IL17RB: variants seen among roughly 807,000 people sequenced by gnomAD.
IL17RB encodes interleukin-17 receptor B.
In IL17RB, 36 loss-of-function variants were observed where a neutral mutation model predicts 43.9. The observed-to-expected ratio is 0.82, with a 90% CI of 0.63 to 1.08. The LOEUF (loss-of-function observed/expected upper bound fraction) is 1.08. Among genes scored for constraint, IL17RB ranks in the 50% least tolerant of loss-of-function variants. IL17RB has a pLI of 0.00. For synonymous variants in IL17RB, 225 were observed against 225.4 expected, an observed-to-expected ratio of 1.00 and a Z score of 0.02; for missense variants, 613 against 613.6, an observed-to-expected ratio of 1.00 and a Z score of 0.01.
At position 53,849,278 on chromosome 3, in the gene IL17RB, C is replaced by G. The variant is rs1699045750; in HGVS notation, c.86-377C>G. Among the ~76,000 whole-genome samples the G allele has an allele frequency of 2.0e-5, 3 of 152,332 alleles. No homozygotes were observed. The South Asian group carries it at 6.2e-4, about 32-fold the overall frequency. On this transcript the variant is annotated intron_variant, in intron 2 of 10. Coordinates refer to ENST00000288167, the MANE Select transcript of IL17RB (RefSeq NM_018725.4). ...CAGGTACCTGGAGTGGTCCCACGTG[C>G]TCTGTAGGTGAAAGCCAGGAGGTTG...
intron 3 of IL17RB, among the ~76,000 whole-genome samples, chr3:53,850,499 C>CAA (rs57986255): frequency 1.1e-4 from 9 of 81,890 alleles, no homozygotes; most frequent in African/African-American, 1.4e-4. Flanking sequence ...AACTCCGTCT[C>CAA]AAAAAAAAAA....
chr3:53,858,766 A>T lies in IL17RB; in HGVS notation c.795A>T (p.Lys265Asn), dbSNP rs1699447201. The change falls in exon 9 of 11, where the codon AAA becomes AAT. Residue 265 changes from lysine to asparagine, a missense_variant. Lys to Asn is a moderately conservative substitution (Grantham distance 94, BLOSUM62 0). Coordinates refer to ENST00000288167, the MANE Select transcript of IL17RB (RefSeq NM_018725.4). Reference sequence around the variant, plus strand: ...GTGGCAGCGACTGCATCCGACATAAAGGAACAGTTGTGCTCTGCCCACAAA... The same window carrying T: ...GTGGCAGCGACTGCATCCGACATAATGGAACAGTTGTGCTCTGCCCACAAA... The part of the protein sequence containing the change: ...PTCGSDCIRH[K>N]GTVVLCPQTG... The T allele has an allele frequency of 1.9e-6, 3 of 1,614,090 alleles. No individual in the cohort carries two copies. In the African/African-American group the frequency reaches 4.0e-5, roughly 22 times the overall value.
chr3:53,861,182 G>A (rs1046866367), intron 10 of IL17RB: 7 of 151,968 alleles, frequency 4.6e-5, no homozygotes, highest in Non-Finnish European at 8.8e-5. Flanking sequence ...GGTATTTTTC[G>A]TGTTTAGTGC....
chr3:53,858,907 T>C lies in IL17RB; in HGVS notation c.847+89T>C, dbSNP rs577863969. The stretch of plus-strand genomic sequence containing the variant: ...TCAGTATGTGGAAGGGTTGTGTGTA[T>C]GTGGGCAGTGCAAGGGGTCGCTGCC... On this transcript the variant is annotated intron_variant, in intron 9 of 10. Coordinates refer to ENST00000288167, the MANE Select transcript of IL17RB (RefSeq NM_018725.4). 4.6e-5 allele frequency: 49 copies of C among 1,053,822 alleles called. 1 individual carries two copies. The South Asian group carries it at 6.2e-4, about 13-fold the overall frequency. 65.3% of individuals were successfully genotyped at this position (1,053,822 alleles called of 1,614,324 possible).
chr3:53,855,896 A>G (rs527380202), intron 6 of IL17RB, among the ~76,000 whole-genome samples: 1 of 152,290 alleles, frequency 6.6e-6, no homozygotes, highest in African/African-American at 2.4e-5. Flanking sequence ...AATCCCCTTT[A>G]GGATTATTAG....
chr3:53,864,632 C>A lies in IL17RB; in HGVS notation c.947-114C>A, dbSNP rs1006283644. Reference sequence around the variant, plus strand: ...TTTTCCTTGCTGTCACTAACAAGGCCCTTGGTGCTCAGCTGACATTCTCTA... The same window carrying A: ...TTTTCCTTGCTGTCACTAACAAGGCACTTGGTGCTCAGCTGACATTCTCTA... On this transcript the variant is annotated intron_variant, in intron 10 of 10. Transcript: ENST00000288167. 1.0e-5 allele frequency: 8 copies of A among 786,928 alleles called. No homozygotes were observed. The South Asian group carries it at 1.2e-4, about 12-fold the overall frequency. The allele number at this position is 786,928 out of a possible 1,614,324, so 48.7% of individuals were successfully genotyped here.
At position 53,860,217 on chromosome 3, in the gene IL17RB, T is replaced by G. The variant is rs759931515; in HGVS notation, c.935T>G (p.Met312Arg). The change falls in exon 10 of 11, where the codon ATG (methionine) becomes AGG (arginine). Residue 312 changes from methionine (M) to arginine (R), a missense_variant. Met to Arg is a moderately conservative substitution (Grantham distance 91, BLOSUM62 -1). Transcript: ENST00000288167. ...TWVLVAGIYL[M>R]WRHERIKKTS... is the part of the protein sequence containing the mutation. ...GTGCTGGTGGCAGGGATCTATCTAA[T>G]GTGGAGGCACGGTAAGGGTTATAAT... 1 of 1,612,796 alleles carries G rather than the reference T, an allele frequency of 6.2e-7. No homozygotes were observed. The highest frequency in any genetic ancestry group is 8.5e-7 in the Non-Finnish European group (1 of 1,179,086).
Position 53,852,996 on chromosome 3 carries a change from A to G in IL17RB, c.480A>G (p.Pro160=). The change falls in exon 5 of 11, where the codon CCA becomes CCG. Residue 160 remains proline (P), a splice_region_variant and synonymous_variant. Transcript: ENST00000288167. ...CCATGTCTGTGAATTTCACCTCACC[A>G]GGTAAACTTCCTCATTTGTTTATTA... is the stretch of plus-strand genomic sequence containing the variant. ...GPSMSVNFTS[P]GCLDHIMKYK... 1.2e-6 allele frequency: 2 copies of G among 1,614,054 alleles called. No individual in the cohort carries two copies. The highest frequency in any genetic ancestry group is 1.7e-6 in the Non-Finnish European group (2 of 1,179,932).
chr3:53,848,722 T>C lies in IL17RB; in HGVS notation c.85+34T>C, dbSNP rs367947716. 6.2e-6 allele frequency: 10 copies of C among 1,611,482 alleles called. No homozygotes were observed. In the African/African-American group the frequency reaches 1.2e-4, roughly 19 times the overall value. On this transcript the variant is annotated intron_variant, in intron 2 of 10. Transcript: ENST00000288167. ...ATTAGAGAATGGGTATTTGGGGCTT[T>C]ACATTGAAAGCACAGTTGGACTTTT...
chr3:53,860,993 G>A (rs1019560704), intron 10 of IL17RB: 1 of 152,174 alleles, frequency 6.6e-6, no homozygotes, highest in Admixed American at 6.5e-5. Context: ...ACAATTAATT[G>A]CAGTGCGTAC....
intron 5 of IL17RB, among the ~76,000 whole-genome samples, chr3:53,853,941 G>C (rs1433920900): frequency 6.6e-6 from 1 of 151,842 alleles, no homozygotes; most frequent in Non-Finnish European, 1.5e-5. Context: ...TTGTTGCCCT[G>C]GCTGGAGTGC....
chr3:53,865,140 CTTTAGA>C lies in IL17RB; in HGVS notation c.1342_1347del (p.Phe448_Arg449del), dbSNP rs771186251. 6.2e-7 allele frequency: 1 copy of C among 1,614,166 alleles called. No homozygotes were observed. Among genetic ancestry groups the C allele is most frequent in the Admixed American group, 1.7e-5 (1 of 60,022 alleles). On this transcript the variant is annotated inframe_deletion, in exon 11 of 11. Coordinates refer to ENST00000288167, the MANE Select transcript of IL17RB (RefSeq NM_018725.4). The stretch of plus-strand genomic sequence containing the variant: ...ATCTGCACAAATACGTGGTGGTCTA[CTTTAGA>C]GAGATTGATACAAAAGACGATTACA...
intron 3 of IL17RB, among the ~76,000 whole-genome samples, chr3:53,850,619 C>T (rs1214499038): frequency 6.6e-6 from 1 of 151,426 alleles, no homozygotes; most frequent in African/African-American, 2.4e-5. Flanking sequence ...GCCTGGCCAA[C>T]ATGGTGAAAC....
intron 3 of IL17RB, among the ~76,000 whole-genome samples, chr3:53,850,499 CAAAA>C (rs57986255): frequency 3.7e-5 from 3 of 81,896 alleles, no homozygotes. Flanking sequence ...AACTCCGTCT[CAAAA>C]AAAAAAAAAA....
At chr3:53,856,741 A>G (rs1009574984) in intron 6 of IL17RB, 103 bp from the exon 7 acceptor site, 1 of 1,126,840 alleles carries the variant, frequency 8.9e-7, no homozygotes, top group Non-Finnish European at 1.3e-6. Context: ...TCTCTTGGAC[A>G]TTGTTCCTGA....
chr3:53,851,591 G>A (rs970181066), intron 3 of IL17RB, among the ~76,000 whole-genome samples: 3 of 152,300 alleles, frequency 2.0e-5, no homozygotes, highest in Non-Finnish European at 2.9e-5. Context: ...AGGTGCAATC[G>A]GAACAGGTGT....
At chr3:53,849,625 C>T in intron 2 of IL17RB, 30 bp from the exon 3 acceptor site, 1 of 1,565,212 alleles carries the variant, frequency 6.4e-7, no homozygotes, top group Non-Finnish European at 8.7e-7. Context: ...CTGGGAAAGA[C>T]AGTGTCATGG....
intron 3 of IL17RB, 94 bp downstream of exon 3, chr3:53,849,889 A>C: frequency 8.2e-7 from 1 of 1,217,792 alleles, no homozygotes; most frequent in Non-Finnish European, 1.1e-6. Flanking sequence ...TCTACGCATA[A>C]CCAACAGAAA....
intron 3 of IL17RB, 145 bp from the exon 4 acceptor site, chr3:53,851,850 GTAAA>G (rs1265694080): frequency 1.1e-6 from 1 of 885,650 alleles, no homozygotes; most frequent in Non-Finnish European, 1.7e-6. Flanking sequence ...AACCCCATCT[GTAAA>G]CTGGAGACAG....
Sources: allele counts gnomAD v4.1 joint callset (sites outside exome capture counted in the v4.1 genomes callset), GRCh38; gene constraint gnomAD v4.1.1; transcripts MANE v1.5; gene names NCBI Gene and HGNC (gene_info 2026-07-23, HGNC 2026-07-21).